SPATA17: variants seen among roughly 807,000 people sequenced by gnomAD.
SPATA17 encodes spermatogenesis associated 17.
Under a neutral mutation model 62.2 loss-of-function variants are expected in SPATA17, and 53 were observed. The observed-to-expected ratio is 0.85, with a 90% CI of 0.68 to 1.07. SPATA17 has a LOEUF of 1.07. Among genes scored for constraint, SPATA17 ranks in the 50% least tolerant of loss-of-function variants. SPATA17 has a pLI of 0.00. For synonymous variants in SPATA17, 146 were observed against 146.8 expected, an observed-to-expected ratio of 0.99 and a Z score of 0.04; for missense variants, 466 against 425.5, an observed-to-expected ratio of 1.10 and a Z score of -0.84.
chr1:217,719,183 A>C (rs1672069977), intron 5 of SPATA17, among the ~76,000 whole-genome samples: 1 of 152,252 alleles, frequency 6.6e-6, no homozygotes, highest in Non-Finnish European at 1.5e-5. Context: ...TGGTCATGGA[A>C]GATAACAGAC....
intron 7 of SPATA17, chr1:217,781,129 T>C (rs575570920): frequency 6.6e-6 from 1 of 152,288 alleles, no homozygotes; most frequent in East Asian, 1.9e-4. Context: ...TTATTTACGG[T>C]CCATGACTTT....
chr1:217,802,303 A>G (rs1571815028), intron 9 of SPATA17, among the ~76,000 whole-genome samples: 1 of 152,228 alleles, frequency 6.6e-6, no homozygotes, highest in Admixed American at 6.5e-5. Flanking sequence ...TTTAACCTGC[A>G]TATATGTATA....
intron 5 of SPATA17, among the ~76,000 whole-genome samples, chr1:217,712,656 T>G (rs1671905022): frequency 6.6e-6 from 1 of 152,140 alleles, no homozygotes; most frequent in Non-Finnish European, 1.5e-5. Flanking sequence ...AATTTTTAAC[T>G]TTCATGAAAT....
chr1:217,806,241 G>T (rs1571817482), intron 9 of SPATA17, among the ~76,000 whole-genome samples: 1 of 152,216 alleles, frequency 6.6e-6, no homozygotes, highest in Non-Finnish European at 1.5e-5. Flanking sequence ...GGATGGCAGG[G>T]TCACCCTGAT....
intron 3 of SPATA17, among the ~76,000 whole-genome samples, chr1:217,653,172 T>C (rs1193481944): frequency 6.6e-6 from 1 of 152,186 alleles, no homozygotes; most frequent in South Asian, 2.1e-4. Context: ...GATAGATACA[T>C]AGGCATACAA....
intron 3 of SPATA17, among the ~76,000 whole-genome samples, chr1:217,655,944 G>C (rs1189566222): frequency 7.9e-5 from 12 of 152,116 alleles, no homozygotes; most frequent in Admixed American, 7.9e-4. Context: ...AGACAGTAGA[G>C]TATACTTATG....
chr1:217,796,502 A>G (rs1375893203), intron 8 of SPATA17, among the ~76,000 whole-genome samples: 1 of 152,186 alleles, frequency 6.6e-6, no homozygotes, highest in Non-Finnish European at 1.5e-5. Context: ...GTTTAGTTGA[A>G]CAGATAGTTT....
At chr1:217,660,783 A>G (rs979560884) in intron 3 of SPATA17, among the ~76,000 whole-genome samples, 1 of 152,244 alleles carries the variant, frequency 6.6e-6, no homozygotes, top group Non-Finnish European at 1.5e-5. Context: ...AGTGTGAGTA[A>G]GAAATAAACT....
intron 5 of SPATA17, among the ~76,000 whole-genome samples, chr1:217,726,151 A>ATCTGATGAGGGATGAAGAATAAAT (rs1672252589): frequency 1.3e-5 from 2 of 152,182 alleles, no homozygotes; most frequent in Non-Finnish European, 2.9e-5. Flanking sequence ...TCATTCAACC[A>ATCTGATGAGGGATGAAGAATAAAT]TCTGATGAGG....
chr1:217,641,813 T>A (rs1244083004), intron 1 of SPATA17, among the ~76,000 whole-genome samples: 1 of 152,060 alleles, frequency 6.6e-6, no homozygotes, highest in Admixed American at 6.6e-5. Context: ...AATCAAGAAA[T>A]TAACATTGGC....
At chr1:217,663,732 C>T (rs757033610) in intron 3 of SPATA17, among the ~76,000 whole-genome samples, 26 of 152,036 alleles carry the variant, frequency 1.7e-4, no homozygotes, top group Non-Finnish European at 2.9e-4. Flanking sequence ...CAGTTGATCT[C>T]ATCGTGTCAT....
chr1:217,721,520 T>C (rs1672126495), intron 5 of SPATA17, among the ~76,000 whole-genome samples: 1 of 152,196 alleles, frequency 6.6e-6, no homozygotes, highest in African/African-American at 2.4e-5. Flanking sequence ...CATCTCTTTC[T>C]TTCTCTGCCG....
intron 6 of SPATA17, among the ~76,000 whole-genome samples, chr1:217,747,081 T>C (rs938563756): frequency 6.6e-6 from 1 of 152,098 alleles, no homozygotes; most frequent in Admixed American, 6.5e-5. Context: ...AAGAAATCTT[T>C]GTCCCTGTAA....
chr1:217,666,256 C>A (rs945409628), intron 3 of SPATA17, among the ~76,000 whole-genome samples: 1 of 152,036 alleles, frequency 6.6e-6, no homozygotes, highest in East Asian at 1.9e-4. Context: ...TATTAACATT[C>A]CGTAGGTACA....
chr1:217,739,673 TC>T (rs2102946625), intron 5 of SPATA17: 1 of 152,252 alleles, frequency 6.6e-6, no homozygotes, highest in East Asian at 1.9e-4. Flanking sequence ...TTTTATTGCA[TC>T]CTGCACACTG....
intron 8 of SPATA17, among the ~76,000 whole-genome samples, chr1:217,784,265 C>T (rs1290622520): frequency 6.6e-6 from 1 of 152,020 alleles, no homozygotes; most frequent in African/African-American, 2.4e-5. Context: ...GCAGAGGGTC[C>T]TTTTACCACA....
chr1:217,764,392 C>T (rs1052338887), intron 6 of SPATA17, among the ~76,000 whole-genome samples: 2 of 152,078 alleles, frequency 1.3e-5, no homozygotes, highest in African/African-American at 2.4e-5. Flanking sequence ...AAGGTTTCTG[C>T]ATGTCTTTTC....
chr1:217,850,541 C>G, intron 9 of SPATA17: 1 of 1,590,864 alleles, frequency 6.3e-7, no homozygotes, highest in South Asian at 1.1e-5. Flanking sequence ...CTTCCTTATC[C>G]TGGATATTGG....
intron 9 of SPATA17, among the ~76,000 whole-genome samples, chr1:217,835,527 G>A (rs765462389): frequency 6.6e-6 from 1 of 152,124 alleles, no homozygotes; most frequent in Non-Finnish European, 1.5e-5. Flanking sequence ...AAGGCATAAC[G>A]TGACCCTAGT....
Sources: allele counts gnomAD v4.1 joint callset (sites outside exome capture counted in the v4.1 genomes callset), GRCh38; gene constraint gnomAD v4.1.1; transcripts MANE v1.5; gene names NCBI Gene and HGNC (gene_info 2026-07-23, HGNC 2026-07-21).